The following AMY2B variants were observed in gnomAD, a reference collection of about 807,000 sequenced individuals.
The protein encoded by AMY2B is amylase alpha 2B, also known as alpha-amylase 2B.
Under a neutral mutation model 59.3 loss-of-function variants are expected in AMY2B, and 63 were observed. That is an observed-to-expected ratio of 1.06 (90% confidence interval 0.87 to 1.31). AMY2B has a LOEUF of 1.31. AMY2B is among the 50% of genes most tolerant of loss of function. AMY2B has a pLI of 0.00. For synonymous variants in AMY2B, 180 were observed against 198.1 expected (o/e 0.91, Z 0.77); for missense variants, 635 against 626.7 (o/e 1.01, Z -0.14).
Position 103,577,731 on chromosome 1 carries a change from A to T in AMY2B, c.1232A>T (p.Asn411Ile), listed in dbSNP as rs556215. 5.0e-5 allele frequency: 81 copies of T among 1,611,452 alleles called. No homozygotes were observed. The highest frequency in any genetic ancestry group is 4.0e-4 in the Admixed American group (24 of 59,996). The part of the protein sequence containing the change: ...HRWRQIRNMV[N>I]FRNVVDGQPF... ...TATTGTGTTTTTAGGAACATGGTTAATTTCCGCAATGTAGTGGATGGCCAG... is the reference window on the plus strand; with the variant it reads ...TATTGTGTTTTTAGGAACATGGTTATTTTCCGCAATGTAGTGGATGGCCAG... Residue 411 changes from asparagine (N) to isoleucine (I), a missense_variant, in exon 9 of 10, where the codon AAT becomes ATT. By Grantham distance (149) the Asn-to-Ile change is moderately radical. Coordinates refer to ENST00000684275, the MANE Select transcript of AMY2B (RefSeq NM_001387437.1).
rs763325013 is a variant in AMY2B at position 103,574,346 on chromosome 1, C to G, written c.831C>G (p.Leu277=). Residue 277 remains leucine (L), a synonymous_variant, in exon 5 of 10, where the codon CTC becomes CTG. Coordinates refer to ENST00000684275, the MANE Select transcript of AMY2B (RefSeq NM_001387437.1). ...RVTEFKYGAK[L]GTVIRKWNGE... ...CAGAATTCAAGTATGGTGCAAAACT[C>G]GGCACAGTTATTCGCAAGTGGAATG... 6.2e-7 allele frequency: 1 copy of G among 1,611,460 alleles called. No homozygotes were observed. Among genetic ancestry groups the G allele is most frequent in the Non-Finnish European group, 8.5e-7 (1 of 1,179,680 alleles).
At chr1:103,561,089 G>C (rs566060249) in intron 1 of AMY2B, among the ~76,000 whole-genome samples, 1 of 144,058 alleles carries the variant, frequency 6.9e-6, no homozygotes, top group South Asian at 2.2e-4. Flanking sequence ...ATGGCACATA[G>C]TAACTATATG....
At chr1:103,567,840 G>A (rs146504180), upstream of AMY2B, among the ~76,000 whole-genome samples, 497 of 152,130 alleles carry the variant, frequency 3.3e-3, 6 homozygotes, top group Non-Finnish European at 4.2e-3. Flanking sequence ...TCTTTTTAAT[G>A]TGTCTTATGT....
At chr1:103,575,001 G>A (rs1410074570) in intron 5 of AMY2B, among the ~76,000 whole-genome samples, 10 of 150,078 alleles carry the variant, frequency 6.7e-5, no homozygotes, top group East Asian at 2.0e-4. Flanking sequence ...GATTACACAC[G>A]TGTGTGTATA....
chr1:103,571,705 C>G lies in AMY2B; in HGVS notation c.103C>G (p.Arg35Gly). The stretch of plus-strand genomic sequence containing the variant: ...ATCTATTGTTCATCTGTTTGAATGG[C>G]GATGGGTTGATATTGCTCTTGAATG... ...RTSIVHLFEWRWVDIALECER... is the reference protein window; with the variant it reads ...RTSIVHLFEWGWVDIALECER... Residue 35 changes from arginine to glycine, a missense_variant, in exon 1 of 10, where the codon CGA becomes GGA. Transcript: ENST00000684275. 6.2e-7 allele frequency: 1 copy of G among 1,611,866 alleles called. No homozygotes were observed. Among genetic ancestry groups the G allele is most frequent in the Non-Finnish European group, 8.5e-7 (1 of 1,179,820 alleles).
At chr1:103,578,481 G>A (rs1472441545) in intron 9 of AMY2B, among the ~76,000 whole-genome samples, 1 of 152,094 alleles carries the variant, frequency 6.6e-6, no homozygotes, top group Non-Finnish European at 1.5e-5. Context: ...CTAACCTATA[G>A]CTCAGAAGAC....
intron 1 of AMY2B, chr1:103,564,894 C>T (rs1557766755): frequency 6.6e-6 from 1 of 152,052 alleles, no homozygotes; most frequent in East Asian, 1.9e-4. Context: ...CCAAATCTGC[C>T]TTTAGATTGC....
intron 9 of AMY2B, among the ~76,000 whole-genome samples, chr1:103,578,195 C>T (rs1158261304): frequency 6.6e-6 from 1 of 152,060 alleles, no homozygotes; most frequent in African/African-American, 2.4e-5. Flanking sequence ...TCTTATATTC[C>T]TGTTTTTTTA....
At chr1:103,577,997 A>G in intron 9 of AMY2B, 152 bp downstream of exon 9, 2 of 1,491,352 alleles carry the variant, frequency 1.3e-6, no homozygotes, top group Middle Eastern at 2.5e-4. Flanking sequence ...AGAAGTAAAA[A>G]GATGATGGCT....
chr1:103,578,977 A>G (rs1652470478), intron 9 of AMY2B, among the ~76,000 whole-genome samples: 1 of 152,196 alleles, frequency 6.6e-6, no homozygotes, highest in South Asian at 2.1e-4. Flanking sequence ...TTTTAAAAGT[A>G]ATTTGTATTA....
At chr1:103,575,696 G>A in intron 7 of AMY2B, 156 bp downstream of exon 7, 2 of 1,104,544 alleles carry the variant, frequency 1.8e-6, no homozygotes, top group South Asian at 1.7e-5. Flanking sequence ...TTATATTAAA[G>A]GAGTAAAATA....
chr1:103,562,616 G>T (rs1050154188), intron 1 of AMY2B, among the ~76,000 whole-genome samples: 1 of 149,360 alleles, frequency 6.7e-6, no homozygotes, highest in Non-Finnish European at 1.5e-5. Flanking sequence ...TACTTCCAAA[G>T]ATATTTATAA....
chr1:103,556,041 TAGG>T (rs779674092), intron 1 of AMY2B, among the ~76,000 whole-genome samples: 27 of 152,148 alleles, frequency 1.8e-4, no homozygotes, highest in African/African-American at 6.5e-4. Flanking sequence ...GTTCAGTAAA[TAGG>T]AGCATGTCAA....
At chr1:103,575,201 A>T in intron 5 of AMY2B, 22 bp from the exon 6 acceptor site, 1 of 1,613,058 alleles carries the variant, frequency 6.2e-7, no homozygotes, top group East Asian at 2.2e-5. Flanking sequence ...ACATCAACAT[A>T]TATCTTATTT....
upstream of AMY2B, chr1:103,570,835 T>C (rs1410563729): frequency 4.9e-6 from 2 of 411,398 alleles, no homozygotes; most frequent in Non-Finnish European, 9.6e-6. Flanking sequence ...CAGCACTGGA[T>C]TGTAGAACTT....
At chr1:103,563,455 C>T (rs1037106639) in intron 1 of AMY2B, among the ~76,000 whole-genome samples, 8 of 151,788 alleles carry the variant, frequency 5.3e-5, no homozygotes, top group South Asian at 2.1e-4. Context: ...TTTTTGATGC[C>T]GAAGATGCTA....
chr1:103,577,096 G>T (rs191998504), intron 7 of AMY2B, among the ~76,000 whole-genome samples: 2 of 152,066 alleles, frequency 1.3e-5, no homozygotes, highest in African/African-American at 4.8e-5. Flanking sequence ...AAATTAGCTG[G>T]TTGCGGTGGT....
intron 1 of AMY2B, among the ~76,000 whole-genome samples, chr1:103,563,565 T>C (rs17014917): frequency 0.022 from 3,362 of 152,184 alleles, 134 homozygotes; most frequent in African/African-American, 0.076. Context: ...ATTGCTTGTT[T>C]GAGGTGAAAA....
In AMY2B at chr1:103,577,502, T is replaced by C. The variant is rs774383542; in HGVS notation, c.1114T>C (p.Trp372Arg). ...QFQNGNDVND[W>R]VGPPNNNGVI... ...CCCCCTAATTAAGGATGTTAATGATTGGGTTGGGCCACCAAATAATAATGG... is the reference window on the plus strand; with the variant it reads ...CCCCCTAATTAAGGATGTTAATGATCGGGTTGGGCCACCAAATAATAATGG... The change falls in exon 8 of 10, where the codon TGG (tryptophan) becomes CGG (arginine). Residue 372 changes from tryptophan (W) to arginine (R), a missense_variant. Trp to Arg is a moderately radical substitution (Grantham distance 101, BLOSUM62 -3). Coordinates refer to ENST00000684275, the MANE Select transcript of AMY2B (RefSeq NM_001387437.1). 1 of 1,611,890 alleles carries C rather than the reference T, an allele frequency of 6.2e-7. No homozygotes were observed. Among genetic ancestry groups the C allele is most frequent in the African/African-American group, 1.3e-5 (1 of 74,964 alleles).
Sources: gnomAD v4.1 joint callset for allele counts (sites outside exome capture counted in the v4.1 genomes callset) on GRCh38, gnomAD v4.1.1 for gene constraint, MANE v1.5 for transcripts, NCBI Gene and HGNC (gene_info 2026-07-23, HGNC 2026-07-21) for gene names.